Variants in TET2 observed in about 807,000 individuals in gnomAD.
TET2 encodes methylcytosine dioxygenase TET2.
TET2 carries 299 observed loss-of-function variants against 142.9 expected under a neutral mutation model. That is an observed-to-expected ratio of 2.09 (90% CI 1.90 to 2.30). The LOEUF is 2.30. TET2 is among the 30% of genes most tolerant of loss of function. TET2 has a pLI of 0.00. For synonymous variants in TET2, 819 were observed against 849.0 expected (o/e 0.96, Z 0.61); for missense variants, 2,418 against 2,378.0 (o/e 1.02, Z -0.35).
intron 1 of TET2, among the ~76,000 whole-genome samples, chr4:105,164,663 T>G (rs2110392174): frequency 6.6e-6 from 1 of 152,310 alleles, no homozygotes; most frequent in South Asian, 2.1e-4. Flanking sequence ...ACTGGTCAGT[T>G]GAGGAATTTC....
In TET2 at chr4:105,186,334, C is replaced by T. The variant is rs147455903; in HGVS notation, c.-192-4026C>T. On this transcript the variant is annotated intron_variant, in intron 1 of 10. Transcript: ENST00000380013. ...GATTTTTCTTTAACCCCCTTCATGG[C>T]CCTTATCTTAACCTCTGTCTTCAGC... is the stretch of plus-strand genomic sequence containing the variant. Among the ~76,000 whole-genome samples the T allele has an allele frequency of 2.0e-3, 307 of 152,234 alleles. 1 individual carries two copies. Among genetic ancestry groups the T allele is most frequent in the African/African-American group, 7.2e-3 (298 of 41,542 alleles).
In TET2 at chr4:105,278,956, A is replaced by T. The variant is rs779843385; in HGVS notation, c.*2437A>T. Reference sequence around the variant, plus strand: ...ATTGTACAATTACATTTTGGCCTAAATACATTTTTGCTTACTAGTATTTAA... The same window carrying T: ...ATTGTACAATTACATTTTGGCCTAATTACATTTTTGCTTACTAGTATTTAA... On this transcript the variant is annotated 3_prime_UTR_variant, in exon 11 of 11. Coordinates refer to ENST00000380013, the MANE Select transcript of TET2 (RefSeq NM_001127208.3). The T allele has an allele frequency of 4.3e-6, 1 of 232,798 alleles. No homozygotes were observed. Among genetic ancestry groups the T allele is most frequent in the Non-Finnish European group, 8.5e-6 (1 of 117,862 alleles). The allele number at this position is 232,798 out of a possible 1,614,324, so 14.4% of individuals were successfully genotyped here.
chr4:105,203,852 T>G (rs911344927), intron 2 of TET2, among the ~76,000 whole-genome samples: 1 of 152,132 alleles, frequency 6.6e-6, no homozygotes, highest in Non-Finnish European at 1.5e-5. Flanking sequence ...CGAGGCAAAT[T>G]TAGTCTCCTC....
At chr4:105,167,393 T>G (rs1724211353) in intron 1 of TET2, among the ~76,000 whole-genome samples, 1 of 151,940 alleles carries the variant, frequency 6.6e-6, no homozygotes, top group African/African-American at 2.4e-5. Context: ...TATGCGTGTA[T>G]ATGTGTACAC....
chr4:105,182,224 G>A (rs1322655709), intron 1 of TET2, among the ~76,000 whole-genome samples: 1 of 152,154 alleles, frequency 6.6e-6, no homozygotes, highest in Non-Finnish European at 1.5e-5. Flanking sequence ...TAGGCAGCAG[G>A]TGCACATGAG....
rs980692433 is a variant in TET2 at position 105,179,620 on chromosome 4, A to G, written c.-192-10740A>G. On this transcript the variant is annotated intron_variant, in intron 1 of 10. Coordinates refer to ENST00000380013, the MANE Select transcript of TET2 (RefSeq NM_001127208.3). ...CTCTTCATTTGGGAAATGAGTGCTT[A>G]TAATAGAAAGTAATTTGTAGTCAGC... Among the ~76,000 whole-genome samples the G allele has an allele frequency of 3.5e-4, 54 of 152,228 alleles. 1 individual carries two copies. The highest frequency in any genetic ancestry group is 8.8e-5 in the Non-Finnish European group (6 of 68,038).
chr4:105,276,053 CAGACAGCGAGCAG>C lies in TET2; in HGVS notation c.5546_5558del (p.Asp1849AlafsTer34). ...GCAGAGGACAACGATGAGGTCTGGT[CAGACAGCGAGCAG>C]AGCTTTCTGGATCCTGACATTGGGG... On this transcript the variant is annotated frameshift_variant, in exon 11 of 11. Transcript: ENST00000380013. LOFTEE classifies it high-confidence loss of function. The C allele has an allele frequency of 6.4e-7, 1 of 1,551,658 alleles. No individual in the cohort carries two copies. The highest frequency in any genetic ancestry group is 8.7e-7 in the Non-Finnish European group (1 of 1,146,974).
intron 2 of TET2, among the ~76,000 whole-genome samples, chr4:105,193,723 A>T (rs1725918848): frequency 6.6e-6 from 1 of 152,184 alleles, no homozygotes; most frequent in Non-Finnish European, 1.5e-5. Context: ...TATTAAAAGA[A>T]ATAGGGAAGT....
intron 6 of TET2, among the ~76,000 whole-genome samples, chr4:105,247,180 A>C (rs1287001769): frequency 2.0e-5 from 3 of 152,184 alleles, no homozygotes; most frequent in African/African-American, 7.2e-5. Flanking sequence ...ATTTTTTCAT[A>C]TATTTTTCCC....
intron 1 of TET2, among the ~76,000 whole-genome samples, chr4:105,180,803 C>A (rs142893708): frequency 2.6e-5 from 4 of 152,236 alleles, no homozygotes; most frequent in African/African-American, 7.2e-5. Flanking sequence ...CCACACCTGG[C>A]TAATTCTGTA....
Position 105,166,069 on chromosome 4 carries a change from C to A in TET2, c.-193+19090C>A, listed in dbSNP as rs529983549. 2.6e-5 allele frequency among the ~76,000 whole-genome samples: 4 copies of A among 152,140 alleles called. No individual in the cohort carries two copies. The South Asian group carries it at 8.3e-4, about 32-fold the overall frequency. On this transcript the variant is annotated intron_variant, in intron 1 of 10. Transcript: ENST00000380013. The stretch of plus-strand genomic sequence containing the variant: ...TTCTGGTTTGCATCTATAGTTAATT[C>A]TCTTGTGCTTCATTTCTCAGTGCTA...
intron 2 of TET2, among the ~76,000 whole-genome samples, chr4:105,214,235 G>A (rs1727340763): frequency 6.6e-6 from 1 of 151,278 alleles, no homozygotes. Flanking sequence ...GGGTGTGTTG[G>A]ACCTCGGGGC....
rs549252473 is a variant in TET2 at position 105,171,108 on chromosome 4, C to A, written c.-192-19252C>A. 2.6e-5 allele frequency among the ~76,000 whole-genome samples: 4 copies of A among 151,986 alleles called. No homozygotes were observed. The South Asian group carries it at 8.3e-4, about 32-fold the overall frequency. ...ATAGTGTTTTGAGTGCAGTTTTCTT[C>A]CTGCTGTTATTGCTGGCTCAAAATC... is the stretch of plus-strand genomic sequence containing the variant. On this transcript the variant is annotated intron_variant, in intron 1 of 10. Transcript: ENST00000380013.
intron 1 of TET2, among the ~76,000 whole-genome samples, chr4:105,186,176 G>A (rs1354440347): frequency 1.3e-5 from 2 of 152,130 alleles, no homozygotes; most frequent in Non-Finnish European, 2.9e-5. Flanking sequence ...GCTGCAGTGA[G>A]CCGAGATCGT....
chr4:105,231,977 C>T (rs1020060424), intron 2 of TET2, among the ~76,000 whole-genome samples: 1 of 152,016 alleles, frequency 6.6e-6, no homozygotes, highest in Non-Finnish European at 1.5e-5. Flanking sequence ...ATTTTGTCAC[C>T]CAGGTAATAA....
chr4:105,243,602 AC>A lies in TET2; in HGVS notation c.3628del (p.Leu1210CysfsTer16). On this transcript the variant is annotated frameshift_variant, in exon 6 of 11. Coordinates refer to ENST00000380013, the MANE Select transcript of TET2 (RefSeq NM_001127208.3). LOFTEE classifies it high-confidence loss of function. ...GCAGAAGCAGCAGTGAAGAGAAGCT[AC>A]TGTGTTTGGTGCGGGAGCGAGCTGG... ...VRRSSSEEKL[L>X]CLVRERAGHT... The A allele has an allele frequency of 6.4e-7, 1 of 1,551,590 alleles. No individual in the cohort carries two copies. The highest frequency in any genetic ancestry group is 8.7e-7 in the Non-Finnish European group (1 of 1,146,940).
intron 2 of TET2, among the ~76,000 whole-genome samples, chr4:105,204,817 A>G (rs1306466826): frequency 1.3e-5 from 2 of 152,156 alleles, no homozygotes; most frequent in Non-Finnish European, 2.9e-5. Flanking sequence ...CTCTGTGTAC[A>G]CTAAGTTAGT....
intron 1 of TET2, among the ~76,000 whole-genome samples, chr4:105,151,507 A>G (rs1399574758): frequency 1.3e-5 from 2 of 150,730 alleles, no homozygotes; most frequent in South Asian, 2.1e-4. Flanking sequence ...AATATATAAT[A>G]TATGTAAAAA....
At chr4:105,250,599 C>T (rs1284165991) in intron 6 of TET2, among the ~76,000 whole-genome samples, 1 of 151,878 alleles carries the variant, frequency 6.6e-6, no homozygotes, top group African/African-American at 2.4e-5. Context: ...GATATCTTAA[C>T]ATTAAAGCTT....
Sources: allele counts gnomAD v4.1 joint callset (sites outside exome capture counted in the v4.1 genomes callset), GRCh38; gene constraint gnomAD v4.1.1; transcripts MANE v1.5; gene names NCBI Gene and HGNC (gene_info 2026-07-23, HGNC 2026-07-21).